Variants in ITPR1 observed in about 807,000 individuals in gnomAD.
ITPR1 encodes the protein inositol 1,4,5-trisphosphate-gated calcium channel ITPR1.
A neutral mutation model predicts 318.4 loss-of-function variants in ITPR1; 96 were observed. That is an observed-to-expected ratio of 0.30 (90% CI 0.26 to 0.36). The LOEUF is 0.36. Among genes scored for constraint, ITPR1 ranks in the 10% least tolerant of loss-of-function variants. The pLI is 1.00. For missense variants in ITPR1, 2,440 were observed against 3,460.2 expected (o/e 0.71, Z 7.40); for synonymous variants, 1,312 against 1,289.9 (o/e 1.02, Z -0.37).
chr3:4,541,650 G>A (rs1369586027), intron 4 of ITPR1, among the ~76,000 whole-genome samples: 3 of 150,248 alleles, frequency 2.0e-5, no homozygotes, highest in Admixed American at 6.6e-5. Context: ...TTTTTGAGAT[G>A]GAGTCTCACT....
chr3:4,592,347 T>C (rs2090458708), intron 4 of ITPR1, among the ~76,000 whole-genome samples: 1 of 152,256 alleles, frequency 6.6e-6, no homozygotes, highest in South Asian at 2.1e-4. Flanking sequence ...GTATTCATTG[T>C]ACGTAAACAT....
chr3:4,779,793 G>A lies in ITPR1; in HGVS notation c.6387+148G>A, dbSNP rs2046705792. ...ACATTGAATTCAGGCCTCTGACTGA[G>A]TAGAGAAGTGAAATATTTTGGTTGG... On this transcript the variant is annotated intron_variant, in intron 49 of 61. Transcript: ENST00000649015. The surrounding 1 kb of genome is among the most constrained non-coding windows in gnomAD (Gnocchi z 4.0). 2 of 469,844 alleles carry A rather than the reference G, an allele frequency of 4.3e-6. No homozygotes were observed. Among genetic ancestry groups the A allele is most frequent in the Admixed American group, 7.1e-5 (2 of 28,152 alleles). The allele number at this position is 469,844 out of a possible 1,614,324, so 29.1% of individuals were successfully genotyped here.
rs140990484 is a variant in ITPR1 at position 4,637,721 on chromosome 3, A to T, written c.280-1663A>T. Among the ~76,000 whole-genome samples, 37 of 151,860 alleles carry T rather than the reference A, an allele frequency of 2.4e-4. No homozygotes were observed. In the East Asian group the frequency reaches 6.2e-3, roughly 26 times the overall value. On this transcript the variant is annotated intron_variant, in intron 5 of 61. Coordinates refer to ENST00000649015, the MANE Select transcript of ITPR1 (RefSeq NM_001378452.1). The stretch of plus-strand genomic sequence containing the variant: ...GTGTGGATCATTCCCCTCCTGTAAT[A>T]TGGTTTCATTTTGGCTTAGAATTGC...
At chr3:4,758,577 G>C (rs2045193382) in intron 44 of ITPR1, among the ~76,000 whole-genome samples, 1 of 152,124 alleles carries the variant, frequency 6.6e-6, no homozygotes, top group African/African-American at 2.4e-5. Context: ...TGGCTTCATG[G>C]GTATATGTCT....
chr3:4,701,154 A>G (rs1055194605), intron 35 of ITPR1, among the ~76,000 whole-genome samples: 6 of 152,192 alleles, frequency 3.9e-5, no homozygotes, highest in African/African-American at 1.4e-4. Context: ...GGTGTCAAAT[A>G]GGAGCAGATC....
intron 44 of ITPR1, among the ~76,000 whole-genome samples, chr3:4,744,803 A>G (rs2043958032): frequency 6.6e-6 from 1 of 152,190 alleles, no homozygotes; most frequent in Non-Finnish European, 1.5e-5. Flanking sequence ...CCTAAGTCCC[A>G]AGATATGTTG....
intron 7 of ITPR1, among the ~76,000 whole-genome samples, chr3:4,642,516 A>G (rs142425481): frequency 6.6e-6 from 1 of 152,336 alleles, no homozygotes; most frequent in African/African-American, 2.4e-5. Flanking sequence ...TACCACAAAA[A>G]CAGCTATTCC....
At chr3:4,530,521 T>A (rs2083326872) in intron 4 of ITPR1, among the ~76,000 whole-genome samples, 1 of 152,236 alleles carries the variant, frequency 6.6e-6, no homozygotes, top group Admixed American at 6.5e-5. Flanking sequence ...TGGTGGCTCA[T>A]GCCTGCAATC....
chr3:4,665,432 G>C (rs1165624992), intron 17 of ITPR1, 136 bp downstream of exon 17: 1 of 717,676 alleles, frequency 1.4e-6, no homozygotes, highest in Non-Finnish European at 2.2e-6. Context: ...CTTGCTCTTG[G>C]GAAGGAAACA....
intron 46 of ITPR1, among the ~76,000 whole-genome samples, chr3:4,772,389 G>A: frequency 6.6e-6 from 1 of 152,196 alleles, no homozygotes; most frequent in Admixed American, 6.5e-5. Flanking sequence ...CTTTCCTGTT[G>A]GTAAATGTTC....
intron 46 of ITPR1, among the ~76,000 whole-genome samples, chr3:4,773,354 A>G (rs1199546905): frequency 2.6e-5 from 4 of 152,238 alleles, no homozygotes; most frequent in South Asian, 4.1e-4. Flanking sequence ...AATAATCTCA[A>G]TTAAATGAAA....
intron 4 of ITPR1, among the ~76,000 whole-genome samples, chr3:4,619,571 T>C (rs543116917): frequency 5.1e-5 from 5 of 97,518 alleles, no homozygotes; most frequent in South Asian, 4.2e-4. Context: ...CCCTGCCCTT[T>C]CCCCTTCCCC....
intron 40 of ITPR1, among the ~76,000 whole-genome samples, chr3:4,723,014 G>T (rs1281007219): frequency 6.6e-6 from 1 of 152,114 alleles, no homozygotes; most frequent in Admixed American, 6.5e-5. Flanking sequence ...TGGGTGTGGT[G>T]GTGCATGCCT....
chr3:4,579,117 C>T (rs903647240), intron 4 of ITPR1, among the ~76,000 whole-genome samples: 2 of 152,176 alleles, frequency 1.3e-5, no homozygotes, highest in African/African-American at 2.4e-5. Context: ...ACCTGGGTCT[C>T]AGTTCCGGCC....
intron 51 of ITPR1, among the ~76,000 whole-genome samples, chr3:4,784,359 G>A (rs1437079582): frequency 1.3e-5 from 2 of 152,116 alleles, no homozygotes; most frequent in Non-Finnish European, 2.9e-5. Flanking sequence ...GAAGATTCTA[G>A]GTGATCCGGA....
intron 44 of ITPR1, among the ~76,000 whole-genome samples, chr3:4,762,942 C>T (rs558857319): frequency 9.2e-5 from 14 of 152,174 alleles, no homozygotes; most frequent in Admixed American, 7.2e-4. Context: ...TCAACCCAAA[C>T]GCCCATCAAT....
chr3:4,709,345 AC>A (rs774924742), intron 37 of ITPR1, among the ~76,000 whole-genome samples: 1 of 152,220 alleles, frequency 6.6e-6, no homozygotes, highest in Non-Finnish European at 1.5e-5. Context: ...TACATTCATC[AC>A]CCAAATTGTG....
In ITPR1 at chr3:4,566,604, G is replaced by GCGCA. The variant is rs111805736; in HGVS notation, c.163+45511_163+45512insGCAC. Among the ~76,000 whole-genome samples, 114 of 140,988 alleles carry GCGCA rather than the reference G, an allele frequency of 8.1e-4. 1 individual carries two copies. The highest frequency in any genetic ancestry group is 3.0e-3 in the African/African-American group (110 of 37,102). The allele number at this position is 140,988 out of a possible 152,430, so 92.5% of individuals were successfully genotyped here. The stretch of plus-strand genomic sequence containing the variant: ...CCAGGAAGCCTGAATGGGGACACAT[G>GCGCA]CACACACACACACACACACACACAC... On this transcript the variant is annotated intron_variant, in intron 4 of 61. Transcript: ENST00000649015.
chr3:4,739,001 C>T (rs2043501703), intron 44 of ITPR1, among the ~76,000 whole-genome samples: 2 of 152,218 alleles, frequency 1.3e-5, no homozygotes, highest in Non-Finnish European at 2.9e-5. Context: ...CCGATGGTTC[C>T]AGGAAAATGC....
Sources: allele counts gnomAD v4.1 joint callset (sites outside exome capture counted in the v4.1 genomes callset), GRCh38; gene constraint gnomAD v4.1.1; non-coding constraint Gnocchi (gnomAD v3.1); transcripts MANE v1.5; gene names NCBI Gene and HGNC (gene_info 2026-07-23, HGNC 2026-07-21).